Variants in ZNF724 observed in about 807,000 individuals in gnomAD.
The protein encoded by ZNF724 is zinc finger protein 724, also known as zinc finger protein 724 pseudogene.
Under a neutral mutation model 29.3 loss-of-function variants are expected in ZNF724, and 14 were observed. The observed-to-expected ratio is 0.48, with a 90% CI of 0.32 to 0.75. The LOEUF is 0.75. Ranked by LOEUF, ZNF724 falls within the 30% of genes least tolerant of loss-of-function variation. ZNF724 has a pLI of 0.04. For missense variants in ZNF724, 557 were observed against 571.2 expected (o/e 0.98, Z 0.25); for synonymous variants, 180 against 193.6 (o/e 0.93, Z 0.58).
chr19:23,224,850 G>A (rs1481432536), intron 3 of ZNF724, among the ~76,000 whole-genome samples: 1 of 152,060 alleles, frequency 6.6e-6, no homozygotes, highest in Non-Finnish European at 1.5e-5. Context: ...AGCTACTTGG[G>A]AGGCTAAGGC....
At chr19:23,244,905 T>C (rs954813972) in intron 1 of ZNF724, among the ~76,000 whole-genome samples, 3 of 152,214 alleles carry the variant, frequency 2.0e-5, no homozygotes, top group Admixed American at 6.5e-5. Flanking sequence ...AACACTGTAG[T>C]TATGTTGACC....
chr19:23,233,565 T>C (rs902693005), intron 1 of ZNF724, among the ~76,000 whole-genome samples: 4 of 152,102 alleles, frequency 2.6e-5, no homozygotes, highest in African/African-American at 9.7e-5. Flanking sequence ...AAATTAATGG[T>C]GATAATTTTG....
At chr19:23,245,239 T>G (rs957865647) in intron 1 of ZNF724, among the ~76,000 whole-genome samples, 8 of 152,218 alleles carry the variant, frequency 5.3e-5, no homozygotes, top group African/African-American at 1.9e-4. Context: ...CAAGTTTATC[T>G]CCTTCCCACA....
intron 1 of ZNF724, among the ~76,000 whole-genome samples, chr19:23,235,802 ATAAT>A (rs1249785423): frequency 1.3e-5 from 2 of 152,230 alleles, no homozygotes; most frequent in African/African-American, 4.8e-5. Flanking sequence ...TTTGGAAAAT[ATAAT>A]TAAAAGAAAA....
At chr19:23,231,908 ATTTT>A (rs1372126577) in intron 2 of ZNF724, among the ~76,000 whole-genome samples, 1 of 151,878 alleles carries the variant, frequency 6.6e-6, no homozygotes, top group East Asian at 1.9e-4. Flanking sequence ...TAATTTTTTT[ATTTT>A]TTTAAGTAGA....
At chr19:23,239,969 C>T (rs1174534743) in intron 1 of ZNF724, among the ~76,000 whole-genome samples, 1 of 147,292 alleles carries the variant, frequency 6.8e-6, no homozygotes, top group South Asian at 2.1e-4. Context: ...GAAGATAAAC[C>T]GCTAGCAAGA....
chr19:23,245,172 TA>T (rs1386102323), intron 1 of ZNF724, among the ~76,000 whole-genome samples: 1 of 152,214 alleles, frequency 6.6e-6, no homozygotes, highest in Non-Finnish European at 1.5e-5. Flanking sequence ...CTTATTCTCT[TA>T]GAAAACCCAG....
At chr19:23,245,410 G>A (rs1178970371) in intron 1 of ZNF724, among the ~76,000 whole-genome samples, 2 of 152,082 alleles carry the variant, frequency 1.3e-5, no homozygotes, top group South Asian at 2.1e-4. Flanking sequence ...TCAGGAGATC[G>A]AGACCATCCT....
rs752249287 is a variant in ZNF724 at position 23,223,174 on chromosome 19, CTTATG to C, written c.1066_1070del (p.His356GlufsTer12). The C allele has an allele frequency of 7.8e-7, 1 of 1,279,166 alleles. No individual in the cohort carries two copies. Among genetic ancestry groups the C allele is most frequent in the Non-Finnish European group, 1.1e-6 (1 of 876,138 alleles). 79.2% of individuals were successfully genotyped at this position (1,279,166 alleles called of 1,614,324 possible). A position where few individuals can be genotyped will look rare whatever the true frequency, so the allele number is the denominator to read the frequency against. On this transcript the variant is annotated frameshift_variant, in exon 4 of 4. Transcript: ENST00000418100. LOFTEE classifies it high-confidence loss of function. ...AAGGTTTCTCTCCAGTATGAATTCTCTTATGTTGAGTAAGGGTTGAGGACACATTA... is the reference window on the plus strand; with the variant it reads ...AAGGTTTCTCTCCAGTATGAATTCTCTTGAGTAAGGGTTGAGGACACATTA...
At chr19:23,225,086 G>A (rs1420213702) in intron 3 of ZNF724, among the ~76,000 whole-genome samples, 1 of 152,110 alleles carries the variant, frequency 6.6e-6, no homozygotes, top group Non-Finnish European at 1.5e-5. Context: ...AAAATGTTAT[G>A]TTTCACACAT....
chr19:23,238,221 C>T (rs1385075829), intron 1 of ZNF724, among the ~76,000 whole-genome samples: 2 of 151,974 alleles, frequency 1.3e-5, no homozygotes, highest in Non-Finnish European at 2.9e-5. Flanking sequence ...AAAAATTAGC[C>T]GCATGTGGTG....
In ZNF724 at chr19:23,231,349, G is replaced by C; in HGVS notation, c.143C>G (p.Ser48Cys). 1.4e-6 allele frequency: 2 copies of C among 1,383,456 alleles called. No individual in the cohort carries two copies. Among genetic ancestry groups the C allele is most frequent in the Non-Finnish European group, 2.1e-6 (2 of 974,892 alleles). The allele number at this position is 1,383,456 out of a possible 1,614,324, so 85.7% of individuals were successfully genotyped here. A position where few individuals can be genotyped will look rare whatever the true frequency, so the allele number is the denominator to read the frequency against. Residue 48 changes from serine (S) to cysteine (C), a missense_variant, in exon 3 of 4, where the codon TCT (serine) becomes TGT (cysteine). Around this residue, in one of 3 missense-constraint regions of ZNF724, gnomAD observed 362 missense variants for 295.5 expected, o/e 1.22. Coordinates refer to ENST00000418100, the MANE Select transcript of ZNF724 (RefSeq NM_001355404.2). ...CAGACAGGTGATCAGGTCTGGCTTA[G>C]AGACAGCAATACCTGTTTTATTAAA... ...RNLVFLGIAV[S>C]KPDLITCLEQ...
intron 2 of ZNF724, 104 bp downstream of exon 2, chr19:23,232,063 C>T (rs1006200259): frequency 3.0e-6 from 3 of 986,304 alleles, no homozygotes; most frequent in Admixed American, 2.0e-5. Context: ...AAATAGAGAT[C>T]TGATACTCAT....
chr19:23,244,731 G>T (rs1599649767), intron 1 of ZNF724, among the ~76,000 whole-genome samples: 1 of 152,044 alleles, frequency 6.6e-6, no homozygotes, highest in Non-Finnish European at 1.5e-5. Flanking sequence ...TCAGGGCTTG[G>T]TCTCAAAATA....
intron 3 of ZNF724, among the ~76,000 whole-genome samples, chr19:23,230,283 T>C (rs1200553195): frequency 6.6e-6 from 1 of 152,128 alleles, no homozygotes; most frequent in East Asian, 1.9e-4. Context: ...ATAAATATTG[T>C]TAAAGTGCCA....
In ZNF724 at chr19:23,233,189, G is replaced by T. The variant is rs147619917; in HGVS notation, c.4-896C>A. On this transcript the variant is annotated intron_variant, in intron 1 of 3. Transcript: ENST00000418100. ...GTTTTATGCAAAGTTCAAGATACAG[G>T]TATCTTCTATCTTGATACAGGATAT... 7.2e-5 allele frequency among the ~76,000 whole-genome samples: 11 copies of T among 152,156 alleles called. No homozygotes were observed. The East Asian group carries it at 1.9e-3, about 27-fold the overall frequency.
intron 3 of ZNF724, chr19:23,231,051 T>C: frequency 3.5e-6 from 1 of 282,648 alleles, no homozygotes; most frequent in Non-Finnish European, 6.6e-6. Flanking sequence ...ACCCAGCTAA[T>C]TTTGTATTTT....
chr19:23,222,421 G>A lies in ZNF724; in HGVS notation c.1824C>T (p.His608=). ...ATTTTTCTACAGCATGAATTTTCTT[G>A]TGTGTAGTAAGGTTTGAGCATTGGT... ...AFNQCSNLTT[H]KKIHAVEKSD... The change falls in exon 4 of 4, where the codon CAC becomes CAT. Residue 608 remains histidine, a synonymous_variant. Transcript: ENST00000418100. 1 of 1,211,450 alleles carries A rather than the reference G, an allele frequency of 8.3e-7. No individual in the cohort carries two copies. 75.0% of individuals were successfully genotyped at this position (1,211,450 alleles called of 1,614,324 possible). A position where few individuals can be genotyped will look rare whatever the true frequency, so the allele number is the denominator to read the frequency against.
At chr19:23,233,653 A>T (rs962807003) in intron 1 of ZNF724, among the ~76,000 whole-genome samples, 1 of 152,204 alleles carries the variant, frequency 6.6e-6, no homozygotes, top group African/African-American at 2.4e-5. Flanking sequence ...TTTCTTGATT[A>T]TCATAAGAAT....
Sources: gnomAD v4.1 joint callset for allele counts (sites outside exome capture counted in the v4.1 genomes callset) on GRCh38, gnomAD v4.1.1 for gene constraint, gnomAD v4.1.1 regional missense constraint, MANE v1.5 for transcripts, NCBI Gene and HGNC (gene_info 2026-07-23, HGNC 2026-07-21) for gene names.